The following SLFN12L variants were observed in gnomAD, a reference collection of about 807,000 sequenced individuals.
The protein encoded by SLFN12L is schlafen family member 12-like.
SLFN12L carries 34 observed loss-of-function variants against 34.8 expected under a neutral mutation model. That is an observed-to-expected ratio of 0.98 (90% CI 0.74 to 1.30). The LOEUF (loss-of-function observed/expected upper bound fraction) is 1.30. Among genes scored for constraint, SLFN12L ranks in the 50% most tolerant of loss-of-function variants. The pLI is 0.00. For missense variants in SLFN12L, 703 were observed against 696.2 expected, an observed-to-expected ratio of 1.01 and a Z score of -0.11; for synonymous variants, 259 against 247.5, an observed-to-expected ratio of 1.05 and a Z score of -0.44.
At chr17:35,495,355 G>T (rs900957478) in intron 2 of SLFN12L, among the ~76,000 whole-genome samples, 10 of 152,088 alleles carry the variant, frequency 6.6e-5, no homozygotes, top group Admixed American at 1.3e-4. Flanking sequence ...TGGTTTCAAG[G>T]GTTTCTAGGT....
In SLFN12L at chr17:35,479,316, C is replaced by T. The variant is rs1264472596; in HGVS notation, c.966G>A (p.Lys322=). The part of the protein sequence containing the change: ...KLPVHHFCVE[K]GTINYLCKFL... ...ATTTGCATAAGTAATTTATCGTCCC[C>T]TTCTCCACACAGAAGTGATGCACAG... is the stretch of plus-strand genomic sequence containing the variant. Residue 322 remains lysine, a synonymous_variant, in exon 3 of 5, where the codon AAG becomes AAA. Coordinates refer to ENST00000628453, the MANE Select transcript of SLFN12L (RefSeq NM_001363830.2). The T allele has an allele frequency of 1.3e-6, 2 of 1,585,220 alleles. No individual in the cohort carries two copies. Among genetic ancestry groups the T allele is most frequent in the Non-Finnish European group, 1.7e-6 (2 of 1,164,160 alleles).
intron 1 of SLFN12L, among the ~76,000 whole-genome samples, chr17:35,523,234 C>A (rs1033319415): frequency 6.6e-6 from 1 of 152,152 alleles, no homozygotes; most frequent in South Asian, 2.1e-4. Flanking sequence ...CTAAGAATAG[C>A]ACATTTCCTA....
chr17:35,530,413 GGAA>G (rs200710004), intron 1 of SLFN12L, among the ~76,000 whole-genome samples: 811 of 12,498 alleles, frequency 0.065, 122 homozygotes, highest in East Asian at 0.17. Context: ...AAGGAAGGAA[GGAA>G]GGAAGGAAGG....
At position 35,467,116 on chromosome 17, in the gene SLFN12L, G is replaced by A. The variant is rs73281411; in HGVS notation, c.*7807C>T. 0.04 allele frequency among the ~76,000 whole-genome samples: 6,076 copies of A among 152,206 alleles called. 298 individuals carry two copies. Among genetic ancestry groups the A allele is most frequent in the East Asian group, 0.13 (685 of 5,174 alleles). On this transcript the variant is annotated 3_prime_UTR_variant, in exon 5 of 5. Transcript: ENST00000628453. ...TTGGTCCCTTGCCAGATGCCATAGTGCTGGAGGAGGTCACCTCTCCTCCAG... is the reference window on the plus strand; with the variant it reads ...TTGGTCCCTTGCCAGATGCCATAGTACTGGAGGAGGTCACCTCTCCTCCAG...
At chr17:35,511,232 T>C (rs553288744) in intron 2 of SLFN12L, among the ~76,000 whole-genome samples, 2 of 152,348 alleles carry the variant, frequency 1.3e-5, no homozygotes, top group Non-Finnish European at 2.9e-5. Flanking sequence ...TAAAACTGCA[T>C]TTCTTACAAG....
chr17:35,483,414 C>T (rs758527020), intron 2 of SLFN12L, among the ~76,000 whole-genome samples: 34 of 152,240 alleles, frequency 2.2e-4, no homozygotes, highest in South Asian at 6.2e-4. Context: ...AAATCAACAC[C>T]CTGAAGATCC....
intron 1 of SLFN12L, among the ~76,000 whole-genome samples, chr17:35,524,477 TGGCTGGC>T (rs1268858055): frequency 6.6e-6 from 1 of 152,238 alleles, no homozygotes; most frequent in Non-Finnish European, 1.5e-5. Context: ...AAGAGAGCTC[TGGCTGGC>T]ATCTGGTGGG....
chr17:35,532,438 T>C (rs1432456320), intron 1 of SLFN12L, among the ~76,000 whole-genome samples: 1 of 80,076 alleles, frequency 1.2e-5, no homozygotes, highest in African/African-American at 3.9e-5. Flanking sequence ...TGAGACTCCA[T>C]CTCAAAAAAA....
intron 1 of SLFN12L, among the ~76,000 whole-genome samples, chr17:35,532,007 T>C (rs2072416207): frequency 6.6e-6 from 1 of 152,072 alleles, no homozygotes; most frequent in African/African-American, 2.4e-5. Flanking sequence ...CTGCTAATCT[T>C]TTCTTCTCCC....
rs2092858160 is a variant in SLFN12L at position 35,465,176 on chromosome 17, G to A, written c.*9747C>T. 6.6e-6 allele frequency among the ~76,000 whole-genome samples: 1 copy of A among 152,114 alleles called. No individual in the cohort carries two copies. Among genetic ancestry groups the A allele is most frequent in the African/African-American group, 2.4e-5 (1 of 41,410 alleles). On this transcript the variant is annotated 3_prime_UTR_variant, in exon 5 of 5. Coordinates refer to ENST00000628453, the MANE Select transcript of SLFN12L (RefSeq NM_001363830.2). ...ATTACAGGCGTGAGCCACCACGCCTGGCCAGAACTGAAAGCTCTAAATTAA... is the reference window on the plus strand; with the variant it reads ...ATTACAGGCGTGAGCCACCACGCCTAGCCAGAACTGAAAGCTCTAAATTAA...
rs1164799149 is a variant in SLFN12L at position 35,478,067 on chromosome 17, T to A, written c.1276+8A>T. 29 of 1,511,434 alleles carry A rather than the reference T, an allele frequency of 1.9e-5. No individual in the cohort carries two copies. Among genetic ancestry groups the A allele is most frequent in the Non-Finnish European group, 2.4e-5 (27 of 1,112,650 alleles). The allele number at this position is 1,511,434 out of a possible 1,614,324, so 93.6% of individuals were successfully genotyped here. On this transcript the variant is annotated splice_region_variant and intron_variant, in intron 4 of 4. Coordinates refer to ENST00000628453, the MANE Select transcript of SLFN12L (RefSeq NM_001363830.2). Reference sequence around the variant, plus strand: ...CCAACAACTCCACGGAAGCCAGAATTAAATTACCTGGAAGGTGATATCTCA... The same window carrying A: ...CCAACAACTCCACGGAAGCCAGAATAAAATTACCTGGAAGGTGATATCTCA...
intron 2 of SLFN12L, among the ~76,000 whole-genome samples, chr17:35,492,089 C>A (rs544982951): frequency 6.6e-6 from 1 of 152,272 alleles, no homozygotes; most frequent in South Asian, 2.1e-4. Flanking sequence ...CCTGTGGCAC[C>A]CATCACCATT....
rs368786353 is a variant in SLFN12L at position 35,469,608 on chromosome 17, G to A, written c.*5315C>T. ...ATTACCACCCCAGGTTTCTTACGAT[G>A]ATGCCAAATAGGCCCAGGGGCAATG... On this transcript the variant is annotated 3_prime_UTR_variant, in exon 5 of 5. Coordinates refer to ENST00000628453, the MANE Select transcript of SLFN12L (RefSeq NM_001363830.2). 6.6e-5 allele frequency among the ~76,000 whole-genome samples: 10 copies of A among 152,044 alleles called. No homozygotes were observed. Among genetic ancestry groups the A allele is most frequent in the African/African-American group, 2.2e-4 (9 of 41,446 alleles).
chr17:35,487,818 C>G, intron 2 of SLFN12L: 1 of 1,458,686 alleles, frequency 6.9e-7, no homozygotes, highest in Non-Finnish European at 9.3e-7. Flanking sequence ...TGCGGCTAGC[C>G]CCTCGCTCAG....
chr17:35,522,854 A>G lies in SLFN12L; in HGVS notation c.-490T>C, dbSNP rs376494374. 192 of 991,324 alleles carry G rather than the reference A, an allele frequency of 1.9e-4. No homozygotes were observed. In the African/African-American group the frequency reaches 2.9e-3, roughly 15 times the overall value. 61.4% of individuals were successfully genotyped at this position (991,324 alleles called of 1,614,324 possible). On this transcript the variant is annotated 5_prime_UTR_variant, in exon 2 of 5. Transcript: ENST00000628453. ...CAGCCTAGCTTCTAGAGAGGATCAC[A>G]ATTCCCCAGGAGAAAGGTTGGGTTT...
intron 1 of SLFN12L, among the ~76,000 whole-genome samples, chr17:35,531,008 A>G (rs2072406400): frequency 6.6e-6 from 1 of 152,206 alleles, no homozygotes; most frequent in Non-Finnish European, 1.5e-5. Flanking sequence ...AGAAAAATCC[A>G]TAGCCCCAAA....
intron 2 of SLFN12L, among the ~76,000 whole-genome samples, chr17:35,517,098 C>G (rs778020737): frequency 1.3e-5 from 2 of 152,132 alleles, no homozygotes; most frequent in Non-Finnish European, 2.9e-5. Context: ...CCAGAATAGT[C>G]AACATAAACA....
chr17:35,491,099 C>A, intron 2 of SLFN12L: 1 of 777,792 alleles, frequency 1.3e-6, no homozygotes, highest in Non-Finnish European at 2.4e-6. Flanking sequence ...ACTGCCTCCC[C>A]TGCTGCAAGA....
In SLFN12L at chr17:35,466,579, T is replaced by A. The variant is rs1337268258; in HGVS notation, c.*8344A>T. On this transcript the variant is annotated 3_prime_UTR_variant, in exon 5 of 5. Coordinates refer to ENST00000628453, the MANE Select transcript of SLFN12L (RefSeq NM_001363830.2). ...AGAGTCCAACATCTTTTCATCCTTT[T>A]TGGGTTTTCATGGCAAAATATTCTT... 6.6e-6 allele frequency among the ~76,000 whole-genome samples: 1 copy of A among 152,226 alleles called. No individual in the cohort carries two copies. Among genetic ancestry groups the A allele is most frequent in the Admixed American group, 6.5e-5 (1 of 15,290 alleles).
Sources: allele counts gnomAD v4.1 joint callset (sites outside exome capture counted in the v4.1 genomes callset), GRCh38; gene constraint gnomAD v4.1.1; transcripts MANE v1.5; gene names NCBI Gene and HGNC (gene_info 2026-07-23, HGNC 2026-07-21).